Variants in TRAPPC2L observed in about 807,000 individuals in gnomAD.
TRAPPC2L encodes trafficking protein particle complex subunit 2-like protein.
Under a neutral mutation model 13.2 loss-of-function variants are expected in TRAPPC2L, and 17 were observed. That is an observed-to-expected ratio of 1.29 (90% CI 0.88 to 1.93). The LOEUF (loss-of-function observed/expected upper bound fraction) is 1.93, where lower values mean the gene tolerates loss of function less well. Ranked by LOEUF, TRAPPC2L falls within the 30% of genes most tolerant of loss-of-function variation. The pLI, the probability that TRAPPC2L is intolerant of heterozygous loss-of-function variation, is 0.00. For synonymous variants in TRAPPC2L, 150 were observed against 98.1 expected, an observed-to-expected ratio of 1.53 and a Z score of -3.12; for missense variants, 359 against 252.1, an observed-to-expected ratio of 1.42 and a Z score of -2.87.
At chr16:88,856,818 C>T, upstream of TRAPPC2L, 3 of 1,533,382 alleles carry the variant, frequency 2.0e-6, no homozygotes, top group East Asian at 2.6e-5. Flanking sequence ...CCCCCATCCC[C>T]GCGGCGCTGA....
chr16:88,862,253 C>T (rs1404588995), exon 4 of TRAPPC2L: 1 of 152,614 alleles, frequency 6.6e-6, no homozygotes, highest in East Asian at 1.9e-4. Flanking sequence ...CATTCTCTTT[C>T]CTCCGTACTA....
chr16:88,856,908 A>G (rs1234012961), upstream of TRAPPC2L: 5 of 1,497,538 alleles, frequency 3.3e-6, no homozygotes, highest in South Asian at 2.5e-5. Flanking sequence ...AGCCCCGGCC[A>G]GCGAGCCGAC....
chr16:88,856,518 G>A (rs1024639539), upstream of TRAPPC2L: 13 of 697,750 alleles, frequency 1.9e-5, no homozygotes, highest in East Asian at 8.1e-5. Context: ...GGTGACCGCC[G>A]AGACCCCACG....
exon 4 of TRAPPC2L, chr16:88,861,104 G>T: frequency 1.3e-6 from 1 of 748,328 alleles, no homozygotes; most frequent in South Asian, 1.7e-5. Context: ...TAAAGGTCTT[G>T]TGAGAGGAGA....
At chr16:88,856,502 G>C (rs918870083), upstream of TRAPPC2L, 37 of 698,594 alleles carry the variant, frequency 5.3e-5, no homozygotes, top group Admixed American at 3.8e-4. Context: ...AGCGCGTGTG[G>C]TGATCGGTGA....
upstream of TRAPPC2L, chr16:88,857,011 G>C: frequency 7.2e-7 from 1 of 1,390,720 alleles, no homozygotes; most frequent in Non-Finnish European, 9.2e-7. Flanking sequence ...TCCGCGGAGG[G>C]ACGGGAGGCG....
At chr16:88,857,740 C>T (rs577084178) in intron 1 of TRAPPC2L, among the ~76,000 whole-genome samples, 2 of 152,280 alleles carry the variant, frequency 1.3e-5, no homozygotes, top group African/African-American at 2.4e-5. Context: ...ATGCTCTGCC[C>T]TCTCACCTGT....
exon 4 of TRAPPC2L, chr16:88,862,294 A>G (rs1442845003): frequency 2.0e-5 from 3 of 152,384 alleles, no homozygotes; most frequent in Admixed American, 6.5e-5. Flanking sequence ...CCCAGTTCCA[A>G]TAGCGGGCAG....
At chr16:88,861,713 G>A (rs773195166) in exon 4 of TRAPPC2L, 14 of 468,260 alleles carry the variant, frequency 3.0e-5, no homozygotes, top group Middle Eastern at 5.0e-4. Context: ...GGGTCCAGCG[G>A]TCAAGGCTCA....
exon 4 of TRAPPC2L, chr16:88,861,399 G>A (rs942397797): frequency 6.1e-5 from 21 of 343,346 alleles, no homozygotes; most frequent in Non-Finnish European, 9.2e-5. Flanking sequence ...GGGAGCCGGC[G>A]TGGCTTCCCA....
At chr16:88,860,017 A>G in exon 4 of TRAPPC2L, 2 of 1,585,472 alleles carry the variant, frequency 1.3e-6, no homozygotes, top group Non-Finnish European at 1.7e-6. Flanking sequence ...TCTGTAGGAC[A>G]TGCCTTGCCA....
chr16:88,859,124 A>T (rs991263728), intron 2 of TRAPPC2L: 2 of 445,346 alleles, frequency 4.5e-6, no homozygotes, highest in Non-Finnish European at 8.3e-6. Context: ...TGAGCAGGGG[A>T]TAATAGTTTC....
At position 88,859,402 on chromosome 16, in the gene TRAPPC2L, G is replaced by A. The variant is rs1034135742; in HGVS notation, c.207-261G>A. 3 of 698,960 alleles carry A rather than the reference G, an allele frequency of 4.3e-6. No individual in the cohort carries two copies. The African/African-American group carries it at 5.2e-5, about 12-fold the overall frequency. The allele number at this position is 698,960 out of a possible 1,614,324, so 43.3% of individuals were successfully genotyped here. ...GAGGGTGAGGTGTTCCAGACAGACAGACTCGGAGTCTAGGTGGTTCGGCTC... is the reference window on the plus strand; with the variant it reads ...GAGGGTGAGGTGTTCCAGACAGACAAACTCGGAGTCTAGGTGGTTCGGCTC... On this transcript the variant is annotated intron_variant, in intron 2 of 3. Coordinates refer to ENST00000565504, the Ensembl canonical transcript of TRAPPC2L.
At chr16:88,859,100 G>A (rs768384441) in intron 2 of TRAPPC2L, 22 of 465,122 alleles carry the variant, frequency 4.7e-5, no homozygotes, top group Non-Finnish European at 6.7e-5. Context: ...CTTTTCAGGG[G>A]GAGCCACCAC....
chr16:88,857,255 C>T, intron 1 of TRAPPC2L, 72 bp downstream of exon 1: 1 of 1,376,062 alleles, frequency 7.3e-7, no homozygotes, highest in East Asian at 3.0e-5. Context: ...TACTTCTTCC[C>T]TGGGCTTAGA....
chr16:88,857,164 T>G, exon 1 of TRAPPC2L: 3 of 1,582,504 alleles, frequency 1.9e-6, no homozygotes, highest in South Asian at 1.1e-5. Context: ...GCGGTGTGCA[T>G]CGCGGTGATT....
chr16:88,858,867 ACCTTTT>A, intron 2 of TRAPPC2L, 76 bp downstream of exon 2: 1 of 1,474,754 alleles, frequency 6.8e-7, no homozygotes, highest in African/African-American at 1.4e-5. Context: ...ATAACTTGAA[ACCTTTT>A]AGAAGAAAAA....
At chr16:88,862,605 A>T (rs1968463323) in exon 4 of TRAPPC2L, 2 of 56,472 alleles carry the variant, frequency 3.5e-5, no homozygotes, top group Admixed American at 2.8e-4. Flanking sequence ...CTTTGCTGAC[A>T]TACCAGCCCC....
chr16:88,861,642 C>A (rs1256177810), exon 4 of TRAPPC2L: 2 of 498,764 alleles, frequency 4.0e-6, no homozygotes, highest in East Asian at 1.2e-4. Context: ...GATGACGTGG[C>A]TGACTACCAC....
Sources: allele counts gnomAD v4.1 joint callset (sites outside exome capture counted in the v4.1 genomes callset), GRCh38; gene constraint gnomAD v4.1.1; transcripts MANE v1.5; gene names NCBI Gene and HGNC (gene_info 2026-07-23, HGNC 2026-07-21).